The following ADAMTS2 variants were observed in gnomAD, a reference collection of about 807,000 sequenced individuals.
ADAMTS2 encodes ADAM metallopeptidase with thrombospondin type 1 motif 2.
Under a neutral mutation model 123.0 loss-of-function variants are expected in ADAMTS2, and 50 were observed. That is an observed-to-expected ratio of 0.41 (90% confidence interval 0.32 to 0.51). ADAMTS2 has a LOEUF of 0.51. Among genes scored for constraint, ADAMTS2 ranks in the 20% least tolerant of loss-of-function variants. The probability of loss-of-function intolerance (pLI) is 0.35; values close to 1 mark genes in which losing one functional copy is unlikely to be tolerated. For synonymous variants in ADAMTS2, 678 were observed against 695.4 expected (o/e 0.98, Z 0.39); for missense variants, 1,494 against 1,705.2 (o/e 0.88, Z 2.18).
At chr5:179,211,075 C>G (rs975582746) in intron 3 of ADAMTS2, among the ~76,000 whole-genome samples, 27 of 152,232 alleles carry the variant, frequency 1.8e-4, no homozygotes, top group African/African-American at 6.5e-4. Flanking sequence ...GGCCTGCCCA[C>G]CTGCACTGGT....
intron 13 of ADAMTS2, among the ~76,000 whole-genome samples, chr5:179,133,529 C>T (rs1469287515): frequency 6.6e-6 from 1 of 152,046 alleles, no homozygotes; most frequent in African/African-American, 2.4e-5. Context: ...CTTGGCCTCC[C>T]AAAGTGCTGG....
Position 179,181,659 on chromosome 5 carries a change from G to A in ADAMTS2, c.892-504C>T, listed in dbSNP as rs982598527. Among the ~76,000 whole-genome samples the A allele has an allele frequency of 9.9e-5, 15 of 152,170 alleles. No individual in the cohort carries two copies. The highest frequency in any genetic ancestry group is 2.1e-4 in the South Asian group (1 of 4,832). On this transcript the variant is annotated intron_variant, in intron 4 of 21. Coordinates refer to ENST00000251582, the MANE Select transcript of ADAMTS2 (RefSeq NM_014244.5). The surrounding 1 kb of genome is among the most constrained non-coding windows in gnomAD (Gnocchi z 4.1). ...CCACCACCAGGTATAATGTTTTAAC[G>A]TGTTAATAAAAAGCTCATATTACTG...
chr5:179,112,606 TGA>T lies in ADAMTS2; in HGVS notation c.*1259_*1260del, dbSNP rs1762587937. On this transcript the variant is annotated 3_prime_UTR_variant, in exon 22 of 22. Coordinates refer to ENST00000251582, the MANE Select transcript of ADAMTS2 (RefSeq NM_014244.5). ...GGTCACTGCTGGGTTCTGGAGCTTC[TGA>T]GAGACAGAGGCGAGGTGGGGCAGGG... 1 of 152,222 alleles carries T rather than the reference TGA, an allele frequency of 6.6e-6. No homozygotes were observed. The highest frequency in any genetic ancestry group is 2.4e-5 in the African/African-American group (1 of 41,438). 9.4% of individuals were successfully genotyped at this position (152,222 alleles called of 1,614,324 possible). A position where few individuals can be genotyped will look rare whatever the true frequency, so the allele number is the denominator to read the frequency against.
intron 8 of ADAMTS2, 102 bp from the exon 9 acceptor site, chr5:179,153,725 A>G: frequency 6.8e-7 from 1 of 1,467,160 alleles, no homozygotes; most frequent in Admixed American, 2.0e-5. Flanking sequence ...TGGCAGCCCT[A>G]CCTGCACATC....
At chr5:179,295,202 C>T (rs946130948) in intron 2 of ADAMTS2, among the ~76,000 whole-genome samples, 6 of 152,216 alleles carry the variant, frequency 3.9e-5, no homozygotes, top group East Asian at 3.9e-4. Flanking sequence ...CAGGTCCCTG[C>T]GTCCCTTCCT....
chr5:179,329,150 A>AC (rs975511321), intron 2 of ADAMTS2, among the ~76,000 whole-genome samples: 2,045 of 152,170 alleles, frequency 0.013, 35 homozygotes, highest in African/African-American at 0.047. Flanking sequence ...ACACGGTGAA[A>AC]CCCCGTCTCT....
At chr5:179,340,424 G>A (rs1757739655) in intron 2 of ADAMTS2, among the ~76,000 whole-genome samples, 1 of 152,228 alleles carries the variant, frequency 6.6e-6, no homozygotes, top group Non-Finnish European at 1.5e-5. Flanking sequence ...TCCCAGGCCT[G>A]CTCCCGGCTC....
chr5:179,234,385 C>T lies in ADAMTS2; in HGVS notation c.689-26670G>A, dbSNP rs1358113799. Among the ~76,000 whole-genome samples, 1 of 152,124 alleles carries T rather than the reference C, an allele frequency of 6.6e-6. No homozygotes were observed. Among genetic ancestry groups the T allele is most frequent in the Non-Finnish European group, 1.5e-5 (1 of 68,022 alleles). ...CCACAGGAAGTGGGGCCCAGTCCAC[C>T]GTGCCCTGGACGCTGCTCATCCACT... On this transcript the variant is annotated intron_variant, in intron 3 of 21. Coordinates refer to ENST00000251582, the MANE Select transcript of ADAMTS2 (RefSeq NM_014244.5). The surrounding 1 kb of genome is among the most constrained non-coding windows in gnomAD (Gnocchi z 4.7).
rs1053872228 is a variant in ADAMTS2 at position 179,234,966 on chromosome 5, G to T, written c.689-27251C>A. Among the ~76,000 whole-genome samples the T allele has an allele frequency of 1.3e-5, 2 of 152,160 alleles. No individual in the cohort carries two copies. Among genetic ancestry groups the T allele is most frequent in the African/African-American group, 4.8e-5 (2 of 41,436 alleles). Reference sequence around the variant, plus strand: ...CCTGACCTGCCTGCCAACCCTCCCAGGGACCTGCTCATGTTCCCGCAACGC... The same window carrying T: ...CCTGACCTGCCTGCCAACCCTCCCATGGACCTGCTCATGTTCCCGCAACGC... On this transcript the variant is annotated intron_variant, in intron 3 of 21. Transcript: ENST00000251582. The surrounding 1 kb of genome is among the most constrained non-coding windows in gnomAD (Gnocchi z 4.7).
chr5:179,227,983 G>A (rs1231183977), intron 3 of ADAMTS2, among the ~76,000 whole-genome samples: 1 of 152,146 alleles, frequency 6.6e-6, no homozygotes, highest in African/African-American at 2.4e-5. Context: ...CCGGGTTTCT[G>A]ACCTGGGCAA....
chr5:179,326,244 G>A (rs997550136), intron 2 of ADAMTS2, among the ~76,000 whole-genome samples: 6 of 149,606 alleles, frequency 4.0e-5, no homozygotes, highest in Admixed American at 2.7e-4. Context: ...ACCCCCAGCC[G>A]GGCAGCTGCC....
intron 2 of ADAMTS2, among the ~76,000 whole-genome samples, chr5:179,305,876 T>C (rs1756658358): frequency 6.6e-6 from 1 of 152,146 alleles, no homozygotes; most frequent in African/African-American, 2.4e-5. Context: ...CCATCAGTGT[T>C]GAAGAAATGC....
At position 179,297,829 on chromosome 5, in the gene ADAMTS2, A is replaced by G. The variant is rs531268955; in HGVS notation, c.535-24765T>C. On this transcript the variant is annotated intron_variant, in intron 2 of 21. Transcript: ENST00000251582. ...CTGCGTCTTCGGCCTCCTCCTCTCTAAAGTCCTCTCTCAGCCCAACAACAG... is the reference window on the plus strand; with the variant it reads ...CTGCGTCTTCGGCCTCCTCCTCTCTGAAGTCCTCTCTCAGCCCAACAACAG... Among the ~76,000 whole-genome samples, 4 of 152,092 alleles carry G rather than the reference A, an allele frequency of 2.6e-5. No homozygotes were observed. The South Asian group carries it at 8.3e-4, about 32-fold the overall frequency.
intron 2 of ADAMTS2, among the ~76,000 whole-genome samples, chr5:179,321,088 T>C (rs191707401): frequency 1.3e-5 from 2 of 152,340 alleles, no homozygotes; most frequent in African/African-American, 4.8e-5. Flanking sequence ...TTCTTTTTTC[T>C]GAAGCCACTT....
At chr5:179,344,235 C>G in intron 1 of ADAMTS2, 74 bp from the exon 2 acceptor site, 2 of 1,512,086 alleles carry the variant, frequency 1.3e-6, no homozygotes, top group Middle Eastern at 2.3e-4. Context: ...CGGCAAGCCA[C>G]GCCCCCCCAG....
chr5:179,154,289 A>G (rs1763424965), intron 7 of ADAMTS2, 97 bp from the exon 8 acceptor site: 3 of 1,501,140 alleles, frequency 2.0e-6, no homozygotes, highest in Non-Finnish European at 1.8e-6. Context: ...TCTTTCCCCA[A>G]CGGGCCTCCT....
rs200057218 is a variant in ADAMTS2 at position 179,158,913 on chromosome 5, G to A, written c.976-34C>T. The A allele has an allele frequency of 6.8e-6, 11 of 1,610,840 alleles. No individual in the cohort carries two copies. The highest frequency in any genetic ancestry group is 1.1e-5 in the South Asian group (1 of 90,780). ...GGATGGAGAGAAATGGAAGAGAGAG[G>A]TTGGCGCCTGGTGGCCCAGTGGGGG... On this transcript the variant is annotated intron_variant, in intron 5 of 21. Transcript: ENST00000251582. The surrounding 1 kb of genome is among the most constrained non-coding windows in gnomAD (Gnocchi z 5.0).
chr5:179,171,302 C>T (rs1276221643), intron 5 of ADAMTS2, among the ~76,000 whole-genome samples: 1 of 152,186 alleles, frequency 6.6e-6, no homozygotes, highest in East Asian at 1.9e-4. Flanking sequence ...ACAGACGCTG[C>T]TCCCAAGCCC....
chr5:179,310,159 A>G (rs1347306776), intron 2 of ADAMTS2, among the ~76,000 whole-genome samples: 1 of 152,210 alleles, frequency 6.6e-6, no homozygotes, highest in Non-Finnish European at 1.5e-5. Flanking sequence ...TGCACGTCCC[A>G]TGTCCCCACA....
Sources: gnomAD v4.1 joint callset for allele counts (sites outside exome capture counted in the v4.1 genomes callset) on GRCh38, gnomAD v4.1.1 for gene constraint, Gnocchi (gnomAD v3.1) non-coding constraint, MANE v1.5 for transcripts, NCBI Gene and HGNC (gene_info 2026-07-23, HGNC 2026-07-21) for gene names.